Variants in RREB1 observed in about 807,000 individuals in gnomAD.
The protein encoded by RREB1 is ras-responsive element-binding protein 1.
RREB1 carries 27 observed loss-of-function variants against 117.8 expected under a neutral mutation model. That is an observed-to-expected ratio of 0.23 (90% confidence interval 0.17 to 0.32). The LOEUF (loss-of-function observed/expected upper bound fraction) is 0.32, where lower values mean the gene tolerates loss of function less well. Ranked by LOEUF, RREB1 falls within the 10% of genes least tolerant of loss-of-function variation. RREB1 has a pLI of 1.00. For synonymous variants in RREB1, 1,298 were observed against 1,026.7 expected (o/e 1.26, Z -5.05); for missense variants, 2,577 against 2,378.2 (o/e 1.08, Z -1.74).
chr6:7,188,682 A>G (rs1280629506), intron 5 of RREB1, among the ~76,000 whole-genome samples: 5 of 152,132 alleles, frequency 3.3e-5, no homozygotes, highest in African/African-American at 9.7e-5. Flanking sequence ...TTGAATAGAA[A>G]TGTTCCTTTT....
chr6:7,115,042 G>A (rs1215585576), intron 1 of RREB1, among the ~76,000 whole-genome samples: 1 of 149,834 alleles, frequency 6.7e-6, no homozygotes, highest in Admixed American at 6.6e-5. Flanking sequence ...AACAGTTAAT[G>A]TTTTTGCATT....
chr6:7,122,985 T>C (rs1351674591), intron 1 of RREB1, among the ~76,000 whole-genome samples: 1 of 152,236 alleles, frequency 6.6e-6, no homozygotes, highest in Non-Finnish European at 1.5e-5. Flanking sequence ...ACATACTCTC[T>C]GTTGGGTAAT....
chr6:7,198,627 G>A (rs1765785975), intron 6 of RREB1, among the ~76,000 whole-genome samples: 1 of 152,148 alleles, frequency 6.6e-6, no homozygotes, highest in South Asian at 2.1e-4. Context: ...TATATGTTGG[G>A]CGTTTAGTGA....
At chr6:7,151,792 G>A (rs1389124160) in intron 1 of RREB1, among the ~76,000 whole-genome samples, 7 of 152,174 alleles carry the variant, frequency 4.6e-5, no homozygotes, top group East Asian at 1.9e-4. Context: ...TTACTGACAC[G>A]GGAACAGTGT....
chr6:7,243,130 A>G (rs1451177396), intron 11 of RREB1, among the ~76,000 whole-genome samples: 1 of 152,226 alleles, frequency 6.6e-6, no homozygotes, highest in East Asian at 1.9e-4. Context: ...AGCATGGACT[A>G]CACCTCAGGA....
intron 1 of RREB1, among the ~76,000 whole-genome samples, chr6:7,127,335 T>C (rs1761982329): frequency 6.6e-6 from 1 of 152,154 alleles, no homozygotes; most frequent in African/African-American, 2.4e-5. Flanking sequence ...AACTTGGAAT[T>C]TGGTATTCTC....
At chr6:7,223,278 A>AAAAT (rs1767376689) in intron 8 of RREB1, among the ~76,000 whole-genome samples, 1 of 149,948 alleles carries the variant, frequency 6.7e-6, no homozygotes, top group African/African-American at 2.5e-5. Flanking sequence ...AAAAAAAAAA[A>AAAAT]AGGCCGGGCA....
intron 6 of RREB1, among the ~76,000 whole-genome samples, chr6:7,190,652 G>GTGTAA (rs1487285017): frequency 6.6e-6 from 1 of 152,186 alleles, no homozygotes; most frequent in East Asian, 1.9e-4. Context: ...CAAAGGAATT[G>GTGTAA]AATAGTGTTA....
At chr6:7,149,236 C>T (rs1193564768) in intron 1 of RREB1, among the ~76,000 whole-genome samples, 1 of 151,900 alleles carries the variant, frequency 6.6e-6, no homozygotes, top group Non-Finnish European at 1.5e-5. Context: ...TGTCTGTATT[C>T]CTAATGTGAA....
chr6:7,227,506 A>G (rs972968366), intron 9 of RREB1, among the ~76,000 whole-genome samples: 1 of 151,706 alleles, frequency 6.6e-6, no homozygotes, highest in African/African-American at 2.4e-5. Flanking sequence ...GCGCCACTGC[A>G]CTCCAGCCTG....
At chr6:7,239,564 A>G (rs1332272657) in intron 10 of RREB1, among the ~76,000 whole-genome samples, 74 of 152,248 alleles carry the variant, frequency 4.9e-4, no homozygotes, top group Non-Finnish European at 1.5e-5. Context: ...GAGGGTAGGC[A>G]GACCAAAGCA....
intron 1 of RREB1, among the ~76,000 whole-genome samples, chr6:7,108,338 T>TCCTCCTCCTCCC (rs1554113703): frequency 6.6e-6 from 1 of 150,538 alleles, no homozygotes; most frequent in African/African-American, 2.4e-5. Context: ...CTCCTCCTCC[T>TCCTCCTCCTCCC]CCCCTTCCTC....
chr6:7,221,659 T>G (rs901005704), intron 8 of RREB1, among the ~76,000 whole-genome samples: 84 of 151,834 alleles, frequency 5.5e-4, no homozygotes, highest in Non-Finnish European at 9.3e-4. Flanking sequence ...TGTTAGGAGG[T>G]TGAGTGCTTG....
intron 9 of RREB1, among the ~76,000 whole-genome samples, chr6:7,228,382 C>G (rs1391726194): frequency 6.6e-6 from 1 of 151,786 alleles, no homozygotes; most frequent in African/African-American, 2.4e-5. Context: ...ACTTCAGAAT[C>G]TCTAGTGAGA....
In RREB1 at chr6:7,247,127, C is replaced by T. The variant is rs772373764; in HGVS notation, c.4677C>T (p.Ala1559=). 5 of 1,613,822 alleles carry T rather than the reference C, an allele frequency of 3.1e-6. No homozygotes were observed. The African/African-American group carries it at 5.3e-5, about 17-fold the overall frequency. The change falls in exon 12 of 13, where the codon GCC becomes GCT. Residue 1559 remains alanine (A), a synonymous_variant. Transcript: ENST00000379938. ...AGACAGACTCCCCCAAAAGCGTGGC[C>T]AGCAAGGCAGACAAGAGGAAGAAGG... The part of the protein sequence containing the change: ...KPKTDSPKSV[A]SKADKRKKVC...
chr6:7,135,583 T>C (rs1762319356), intron 1 of RREB1, among the ~76,000 whole-genome samples: 1 of 152,208 alleles, frequency 6.6e-6, no homozygotes, highest in Non-Finnish European at 1.5e-5. Context: ...CTTGCACCAC[T>C]TAACTCTCCA....
chr6:7,227,871 G>T (rs1404441081), intron 9 of RREB1, among the ~76,000 whole-genome samples: 2 of 152,190 alleles, frequency 1.3e-5, no homozygotes, highest in African/African-American at 2.4e-5. Flanking sequence ...TTCAAGACCA[G>T]CCTGGCCAAC....
At chr6:7,156,940 T>C (rs1763394976) in intron 1 of RREB1, among the ~76,000 whole-genome samples, 1 of 152,206 alleles carries the variant, frequency 6.6e-6, no homozygotes, top group African/African-American at 2.4e-5. Flanking sequence ...ATGCCAAAGC[T>C]GACCAAGAGC....
intron 12 of RREB1, among the ~76,000 whole-genome samples, chr6:7,248,033 A>G (rs1769201323): frequency 6.6e-6 from 1 of 152,182 alleles, no homozygotes. Context: ...TGGGCTCCCA[A>G]CAAGCGTGGT....
Sources: allele counts gnomAD v4.1 joint callset (sites outside exome capture counted in the v4.1 genomes callset), GRCh38; gene constraint gnomAD v4.1.1; transcripts MANE v1.5; gene names NCBI Gene and HGNC (gene_info 2026-07-23, HGNC 2026-07-21).